Variants in CYP4A11 observed in about 807,000 individuals in gnomAD.
CYP4A11 encodes cytochrome P450 family 4 subfamily A member 11, also known as cytochrome P450 4A11.
Under a neutral mutation model 57.7 loss-of-function variants are expected in CYP4A11, and 52 were observed. That is an observed-to-expected ratio of 0.90 (90% CI 0.72 to 1.14). The LOEUF (loss-of-function observed/expected upper bound fraction) is 1.14. CYP4A11 is among the 50% of genes most tolerant of loss of function. The probability of loss-of-function intolerance (pLI) is 0.00; values close to 1 mark genes in which losing one functional copy is unlikely to be tolerated. For missense variants in CYP4A11, 641 were observed against 642.1 expected, an observed-to-expected ratio of 1.00 and a Z score of 0.02; for synonymous variants, 228 against 247.1, an observed-to-expected ratio of 0.92 and a Z score of 0.72.
At chr1:46,933,073 G>A (rs1219558824) in intron 9 of CYP4A11, 26 bp from the exon 10 acceptor site, 6 of 1,613,482 alleles carry the variant, frequency 3.7e-6, no homozygotes, top group Admixed American at 1.7e-5. Flanking sequence ...GAAACAGAGA[G>A]AAGACCAATC....
rs1681249406 is a variant in CYP4A11 at position 46,934,444 on chromosome 1, C to T, written c.897+9G>A. ...GGCAAAGACTCAGGCCTCTCCTACA[C>T]ATACTCACTTTGGCCAAGAGGAGGA... On this transcript the variant is annotated intron_variant, in intron 7 of 11. Transcript: ENST00000310638. 6.2e-7 allele frequency: 1 copy of T among 1,613,070 alleles called. No homozygotes were observed. The highest frequency in any genetic ancestry group is 1.1e-5 in the South Asian group (1 of 90,938).
intron 1 of CYP4A11, among the ~76,000 whole-genome samples, chr1:46,939,668 T>G (rs1208567773): frequency 6.6e-6 from 1 of 152,000 alleles, no homozygotes; most frequent in Non-Finnish European, 1.5e-5. Flanking sequence ...GAAAAAAGAG[T>G]CAGCCCTTCA....
At chr1:46,938,183 C>A (rs752857276) in intron 1 of CYP4A11, 46 bp from the exon 2 acceptor site, 2 of 1,611,654 alleles carry the variant, frequency 1.2e-6, no homozygotes, top group Non-Finnish European at 1.7e-6. Flanking sequence ...TACTTCTAGT[C>A]TTTGCAGCAG....
At position 46,937,352 on chromosome 1, in the gene CYP4A11, A is replaced by C. The variant is rs1430571767; in HGVS notation, c.338-6T>G. On this transcript the variant is annotated splice_polypyrimidine_tract_variant and splice_region_variant and intron_variant, in intron 2 of 11. Coordinates refer to ENST00000310638, the MANE Select transcript of CYP4A11 (RefSeq NM_000778.4). ...GGAACCATGGGATTTCGGGTCTGAA[A>C]GGCAAGAAAGGGCTTTATAGGAAAC... The C allele has an allele frequency of 6.2e-7, 1 of 1,614,030 alleles. No individual in the cohort carries two copies. Among genetic ancestry groups the C allele is most frequent in the Non-Finnish European group, 8.5e-7 (1 of 1,179,920 alleles).
At position 46,932,314 on chromosome 1, in the gene CYP4A11, G is replaced by T. The variant is rs998702372; in HGVS notation, c.1364+447C>A. The T allele has an allele frequency of 4.8e-6, 5 of 1,031,230 alleles. No individual in the cohort carries two copies. The African/African-American group carries it at 6.8e-5, about 14-fold the overall frequency. The allele number at this position is 1,031,230 out of a possible 1,614,324, so 63.9% of individuals were successfully genotyped here. Reference sequence around the variant, plus strand: ...AAAGACTTCAATGATTCATCTCTACGACAGACTAGTGAATTAAATAGGGAA... The same window carrying T: ...AAAGACTTCAATGATTCATCTCTACTACAGACTAGTGAATTAAATAGGGAA... On this transcript the variant is annotated intron_variant, in intron 11 of 11. Coordinates refer to ENST00000310638, the MANE Select transcript of CYP4A11 (RefSeq NM_000778.4).
rs775929602 is a variant in CYP4A11, at chr1:46,930,071, G to T, written c.*44C>A. 1 of 1,574,436 alleles carries T rather than the reference G, an allele frequency of 6.4e-7. No homozygotes were observed. Among genetic ancestry groups the T allele is most frequent in the South Asian group, 1.2e-5 (1 of 83,888 alleles). ...ACAGGATATGGGCAGACAGGAAGGG[G>T]ACAGAAGCGGGGGTCAGGAAGACAG... On this transcript the variant is annotated 3_prime_UTR_variant, in exon 12 of 12. Coordinates refer to ENST00000310638, the MANE Select transcript of CYP4A11 (RefSeq NM_000778.4).
rs557042854 is a variant in CYP4A11 at position 46,937,934 on chromosome 1, G to C, written c.337+62C>G. 197 of 1,599,924 alleles carry C rather than the reference G, an allele frequency of 1.2e-4. No individual in the cohort carries two copies. In the African/African-American group the frequency reaches 2.2e-3, roughly 18 times the overall value. ...AGCCACTCTCTTCTGGAATTTTACA[G>C]ACCCAGGAGCATGTGTCAAGAGGGA... is the stretch of plus-strand genomic sequence containing the variant. On this transcript the variant is annotated intron_variant, in intron 2 of 11. Transcript: ENST00000310638.
chr1:46,939,198 A>G (rs963595028), intron 1 of CYP4A11, among the ~76,000 whole-genome samples: 8 of 152,214 alleles, frequency 5.3e-5, no homozygotes, highest in Admixed American at 4.6e-4. Context: ...GGTATCGAAT[A>G]TCTGCCCATC....
rs753057767 is a variant in CYP4A11 at position 46,932,736 on chromosome 1, C to A, written c.1364+25G>T. 16 of 1,614,148 alleles carry A rather than the reference C, an allele frequency of 9.9e-6. No homozygotes were observed. In the South Asian group the frequency reaches 1.5e-4, roughly 16 times the overall value. Reference sequence around the variant, plus strand: ...CAGAGACTTCCCTCATTCCTCTATTCGAATTACCACACAGGACGTCTCACC... The same window carrying A: ...CAGAGACTTCCCTCATTCCTCTATTAGAATTACCACACAGGACGTCTCACC... On this transcript the variant is annotated intron_variant, in intron 11 of 11. Coordinates refer to ENST00000310638, the MANE Select transcript of CYP4A11 (RefSeq NM_000778.4).
rs1388120316 is a variant in CYP4A11, at chr1:46,933,989, G to T, written c.1179C>A (p.Leu393=). The T allele has an allele frequency of 1.2e-6, 2 of 1,614,104 alleles. No individual in the cohort carries two copies. The highest frequency in any genetic ancestry group is 2.2e-5 in the South Asian group (2 of 91,072). Residue 393 remains leucine (L), a synonymous_variant, in exon 9 of 12, where the codon CTC becomes CTA. Coordinates refer to ENST00000310638, the MANE Select transcript of CYP4A11 (RefSeq NM_000778.4). ...YPPVPGIGRE[L]STPVTFPDGR... ...CATCAGGGAAGGTGACGGGAGTGCT[G>T]AGCTCTCTGCCAATGCCTGGCACCG...
intron 5 of CYP4A11, 44 bp downstream of exon 5, chr1:46,935,479 C>T: frequency 1.3e-6 from 2 of 1,560,786 alleles, no homozygotes; most frequent in South Asian, 1.2e-5. Flanking sequence ...GTGCACTCCA[C>T]TTGATAAGAA....
chr1:46,940,801 A>G, intron 1 of CYP4A11: 1 of 985,426 alleles, frequency 1.0e-6, no homozygotes, highest in African/African-American at 1.7e-5. Flanking sequence ...TTCACAGACC[A>G]TAAACTCCTC....
In CYP4A11 at chr1:46,941,012, C is replaced by A. The variant is rs1681715818; in HGVS notation, c.195+227G>T. 5.1e-6 allele frequency: 5 copies of A among 984,500 alleles called. No homozygotes were observed. In the South Asian group the frequency reaches 2.4e-4, roughly 46 times the overall value. The allele number at this position is 984,500 out of a possible 1,614,324, so 61.0% of individuals were successfully genotyped here. A position where few individuals can be genotyped will look rare whatever the true frequency, so the allele number is the denominator to read the frequency against. Reference sequence around the variant, plus strand: ...ACTGCCAAGACACACTTGATATCTGCAGAAGGAGGGCACGGGTGATAGAGC... The same window carrying A: ...ACTGCCAAGACACACTTGATATCTGAAGAAGGAGGGCACGGGTGATAGAGC... On this transcript the variant is annotated intron_variant, in intron 1 of 11. Transcript: ENST00000310638.
At chr1:46,932,903 C>T (rs1382773640) in intron 10 of CYP4A11, 66 bp from the exon 11 acceptor site, 28 of 1,613,922 alleles carry the variant, frequency 1.7e-5, no homozygotes, top group Non-Finnish European at 2.3e-5. Flanking sequence ...CCATGGGGGA[C>T]AGGACTCCCA....
rs750724548 is a variant in CYP4A11, at chr1:46,938,392, G to A, written c.196-255C>T. ...GTCTTCATGTTGTGTAACATCTCTG[G>A]AAGTCATAAATACAACAATTTCCAT... On this transcript the variant is annotated intron_variant, in intron 1 of 11. Transcript: ENST00000310638. Among the ~76,000 whole-genome samples the A allele has an allele frequency of 5.6e-4, 85 of 152,244 alleles. 2 individuals carry two copies. The highest frequency in any genetic ancestry group is 3.4e-3 in the Middle Eastern group (1 of 292).
intron 11 of CYP4A11, 148 bp downstream of exon 11, chr1:46,932,613 A>C: frequency 6.4e-7 from 1 of 1,557,068 alleles, no homozygotes; most frequent in Non-Finnish European, 8.7e-7. Context: ...AGAGACGCCC[A>C]CACCAGGTGC....
chr1:46,936,450 T>C (rs1383782943), intron 4 of CYP4A11, among the ~76,000 whole-genome samples: 2 of 152,226 alleles, frequency 1.3e-5, no homozygotes, highest in Non-Finnish European at 2.9e-5. Flanking sequence ...TCTATTCCTA[T>C]GGTGGGGAAC....
intron 1 of CYP4A11, among the ~76,000 whole-genome samples, chr1:46,939,896 G>A (rs1425044473): frequency 6.9e-6 from 1 of 145,280 alleles, no homozygotes; most frequent in African/African-American, 2.6e-5. Context: ...GTCCATATAG[G>A]GTTAGAACTT....
chr1:46,935,188 G>T (rs369463370), intron 5 of CYP4A11, 34 bp from the exon 6 acceptor site: 2 of 1,597,048 alleles, frequency 1.3e-6, no homozygotes, highest in South Asian at 2.2e-5. Flanking sequence ...ACTGCAGTAG[G>T]GGTGGGCCCA....
Sources: allele counts gnomAD v4.1 joint callset (sites outside exome capture counted in the v4.1 genomes callset), GRCh38; gene constraint gnomAD v4.1.1; transcripts MANE v1.5; gene names NCBI Gene and HGNC (gene_info 2026-07-23, HGNC 2026-07-21).